Variants in USP9X observed in about 807,000 individuals in gnomAD.
USP9X encodes ubiquitin carboxyl-terminal hydrolase 9X.
USP9X carries 7 observed loss-of-function variants against 190.3 expected under a neutral mutation model. The observed-to-expected ratio is 0.04, with a 90% CI of 0.02 to 0.07. USP9X has a LOEUF of 0.07. USP9X is among the 10% of genes least tolerant of loss of function. USP9X has a pLI of 1.00. For missense variants in USP9X, 1,010 were observed against 1,916.9 expected (o/e 0.53, Z 8.83); for synonymous variants, 645 against 659.5 (o/e 0.98, Z 0.34).
intron 4 of USP9X, 93 bp from the exon 5 acceptor site, chrX:41,134,632 C>G: frequency 4.3e-6 from 3 of 698,494 alleles, no homozygotes; most frequent in Non-Finnish European, 6.4e-6. Flanking sequence ...GGTGAAGTTT[C>G]CAGTTATTTA....
chrX:41,088,129 G>A (rs2061926975), intron 1 of USP9X, among the ~76,000 whole-genome samples: 1 of 111,724 alleles, frequency 9.0e-6, no homozygotes, highest in South Asian at 3.7e-4. Flanking sequence ...GACTACAGGC[G>A]CGTGCCATCA....
chrX:41,158,938 C>T (rs994765320), intron 14 of USP9X, among the ~76,000 whole-genome samples: 1 of 112,101 alleles, frequency 8.9e-6, no homozygotes, highest in Non-Finnish European at 1.9e-5. Flanking sequence ...ACTTCCTCTA[C>T]CTGATCAAGA....
At chrX:41,200,927 C>G (rs2063036416) in intron 30 of USP9X, 133 bp from the exon 31 acceptor site, 1 of 612,236 alleles carries the variant, frequency 1.6e-6, no homozygotes, top group South Asian at 2.7e-5. Context: ...ACTCAGAACA[C>G]TGCTTCAGGT....
At chrX:41,092,167 AT>A (rs1408749470) in intron 1 of USP9X, among the ~76,000 whole-genome samples, 1 of 111,693 alleles carries the variant, frequency 9.0e-6, no homozygotes, top group Non-Finnish European at 1.9e-5. Context: ...TGAGCTGGTG[AT>A]CGTGCATATT....
At position 41,184,000 on chromosome X, in the gene USP9X, A is replaced by C. The variant is rs1157881550; in HGVS notation, c.3151A>C (p.Ser1051Arg). ...RVLMKLMPPD[S>R]TTIEKLRAIC... is the part of the protein sequence containing the mutation. Reference sequence around the variant, plus strand: ...CACTGTCTCTTTTTTTCCTCCAGATAGCACAACGATAGAAAAATTAAGAGC... The same window carrying C: ...CACTGTCTCTTTTTTTCCTCCAGATCGCACAACGATAGAAAAATTAAGAGC... Residue 1051 changes from serine to arginine, a missense_variant and splice_region_variant, in exon 22 of 45, where the codon AGC (serine) becomes CGC (arginine). Physicochemically the swap from Ser to Arg is moderately radical, Grantham distance 110. Around this residue, in one of 11 missense-constraint regions of USP9X, gnomAD observed 351 missense variants for 480.8 expected, o/e 0.73. Coordinates refer to ENST00000378308, the MANE Select transcript of USP9X (RefSeq NM_001039591.3). 1 of 1,197,811 alleles carries C rather than the reference A, an allele frequency of 8.3e-7. No homozygotes were observed. Among genetic ancestry groups the C allele is most frequent in the African/African-American group, 1.8e-5 (1 of 56,378 alleles).
At chrX:41,197,331 T>TGGGGGGGGGGGGGGGGGGG in intron 28 of USP9X, 33 bp from the exon 29 acceptor site, 2 of 486,750 alleles carry the variant, frequency 4.1e-6, no homozygotes, top group Non-Finnish European at 2.9e-6. Context: ...TTTGATTTCT[T>TGGGGGGGGGGGGGGGGGGG]CCCCCCCCCA....
chrX:41,197,351 C>CCCCCCG lies in USP9X; in HGVS notation c.4234-12_4234-11insCCCCGC. 2 of 939,382 alleles carry CCCCCCG rather than the reference C, an allele frequency of 2.1e-6. No individual in the cohort carries two copies. The highest frequency in any genetic ancestry group is 2.7e-6 in the Non-Finnish European group (2 of 728,816). 77.4% of individuals were successfully genotyped at this position (939,382 alleles called of 1,213,427 possible). ...TTTCTTCCCCCCCCCACCCCACCCC[C>CCCCCCG]CGCCTTTGGCAGGATGATGTTAAAA... On this transcript the variant is annotated splice_polypyrimidine_tract_variant and intron_variant, in intron 28 of 44. Coordinates refer to ENST00000378308, the MANE Select transcript of USP9X (RefSeq NM_001039591.3).
intron 23 of USP9X, among the ~76,000 whole-genome samples, chrX:41,185,558 A>G (rs553946796): frequency 1.8e-5 from 2 of 111,425 alleles, no homozygotes; most frequent in East Asian, 5.6e-4. Context: ...TAATTATACT[A>G]CTTTCGACAC....
intron 31 of USP9X, 142 bp from the exon 32 acceptor site, chrX:41,205,157 CTAAA>C (rs1185099500): frequency 5.4e-6 from 2 of 367,238 alleles, no homozygotes; most frequent in Non-Finnish European, 8.6e-6. Context: ...GGGATAAACA[CTAAA>C]TAACTAAAAA....
rs770351787 is a variant in USP9X, at chrX:41,129,974, A to G, written c.242+829A>G. On this transcript the variant is annotated intron_variant, in intron 3 of 44. Transcript: ENST00000378308. ...AAAAAGAAATCTAAATACATAAATA[A>G]TGAGTATGCGTTAACAGAAATATTT... 7.2e-5 allele frequency among the ~76,000 whole-genome samples: 8 copies of G among 111,730 alleles called. No homozygotes were observed. In the East Asian group the frequency reaches 2.0e-3, roughly 27 times the overall value.
chrX:41,131,643 T>TA, intron 4 of USP9X, 107 bp downstream of exon 4: 1 of 645,759 alleles, frequency 1.5e-6, no homozygotes, highest in Admixed American at 3.1e-5. Context: ...CATAAACACA[T>TA]ACTGCAGCTT....
chrX:41,102,137 T>C (rs749880222), intron 1 of USP9X, among the ~76,000 whole-genome samples: 8 of 112,071 alleles, frequency 7.1e-5, no homozygotes, highest in African/African-American at 2.6e-4. Flanking sequence ...ACGATTTGTA[T>C]GGTATGTGAA....
chrX:41,106,082 T>C (rs1294990035), intron 1 of USP9X, among the ~76,000 whole-genome samples: 1 of 112,132 alleles, frequency 8.9e-6, no homozygotes, highest in African/African-American at 3.2e-5. Flanking sequence ...GGCTGTGGGT[T>C]GTCTTCTCAC....
intron 4 of USP9X, among the ~76,000 whole-genome samples, chrX:41,132,448 C>T (rs1009141761): frequency 9.2e-6 from 1 of 108,998 alleles, no homozygotes; most frequent in Non-Finnish European, 1.9e-5. Context: ...GGATTACAGG[C>T]GCCCACCACC....
intron 1 of USP9X, among the ~76,000 whole-genome samples, chrX:41,110,287 G>T (rs771085526): frequency 8.9e-6 from 1 of 112,263 alleles, no homozygotes; most frequent in Non-Finnish European, 1.9e-5. Context: ...AGCTAATTGT[G>T]TCTTAGTTCC....
At chrX:41,091,466 GATTA>G (rs2146909931) in intron 1 of USP9X, among the ~76,000 whole-genome samples, 1 of 111,893 alleles carries the variant, frequency 8.9e-6, no homozygotes, top group African/African-American at 3.2e-5. Flanking sequence ...TAGGTGTTTT[GATTA>G]ATTTTGTCCT....
chrX:41,159,110 T>C (rs1256241973), intron 14 of USP9X, among the ~76,000 whole-genome samples: 1 of 111,515 alleles, frequency 9.0e-6, no homozygotes, highest in African/African-American at 3.3e-5. Flanking sequence ...GAAAAAGAAG[T>C]AGACAACCCA....
Position 41,119,929 on chromosome X carries a change from A to G in USP9X, c.-158-3542A>G, listed in dbSNP as rs537398756. Among the ~76,000 whole-genome samples, 6 of 112,839 alleles carry G rather than the reference A, an allele frequency of 5.3e-5. No homozygotes were observed. The East Asian group carries it at 1.7e-3, about 31-fold the overall frequency. Reference sequence around the variant, plus strand: ...CAAGGTTTTGAAAATTGTCTGCTTCACGTAACACTCTTTGTAATTTAGGGT... The same window carrying G: ...CAAGGTTTTGAAAATTGTCTGCTTCGCGTAACACTCTTTGTAATTTAGGGT... On this transcript the variant is annotated intron_variant, in intron 1 of 44. Coordinates refer to ENST00000378308, the MANE Select transcript of USP9X (RefSeq NM_001039591.3).
At chrX:41,206,359 T>C (rs147750910) in intron 32 of USP9X, among the ~76,000 whole-genome samples, 3,116 of 112,410 alleles carry the variant, frequency 0.028, 64 homozygotes, top group Non-Finnish European at 0.046. Context: ...TACCGAGTTA[T>C]CTCATAACTG....
Sources: gnomAD v4.1 joint callset for allele counts (sites outside exome capture counted in the v4.1 genomes callset) on GRCh38, gnomAD v4.1.1 for gene constraint, gnomAD v4.1.1 regional missense constraint, MANE v1.5 for transcripts, NCBI Gene and HGNC (gene_info 2026-07-23, HGNC 2026-07-21) for gene names.